Variants in NEK8 observed in about 807,000 individuals in gnomAD.
NEK8 encodes NIMA related kinase 8.
In NEK8, 51 loss-of-function variants were observed where a neutral mutation model predicts 77.2. The observed-to-expected ratio is 0.66, with a 90% CI of 0.53 to 0.83. The LOEUF (loss-of-function observed/expected upper bound fraction) is 0.83. Among genes scored for constraint, NEK8 ranks in the 40% least tolerant of loss-of-function variants. The pLI is 0.00. For synonymous variants in NEK8, 365 were observed against 363.2 expected (o/e 1.00, Z -0.06); for missense variants, 787 against 909.2 (o/e 0.87, Z 1.73).
At chr17:28,729,859 A>G (rs1229058062) in intron 1 of NEK8, among the ~76,000 whole-genome samples, 1 of 152,090 alleles carries the variant, frequency 6.6e-6, no homozygotes. Flanking sequence ...AGTGAGATTT[A>G]AGGCCAAGAC....
intron 4 of NEK8, among the ~76,000 whole-genome samples, chr17:28,736,153 GT>G (rs2034363816): frequency 6.6e-6 from 1 of 152,064 alleles, no homozygotes; most frequent in South Asian, 2.1e-4. Context: ...TATGTGCCAC[GT>G]TTTCTTAATC....
At chr17:28,738,299 TTC>T in intron 8 of NEK8, 54 bp downstream of exon 8, 2 of 1,600,038 alleles carry the variant, frequency 1.2e-6, no homozygotes, top group Non-Finnish European at 8.6e-7. Context: ...ACAGAGCACC[TTC>T]TCTCTTCTCT....
At chr17:28,733,787 G>A (rs911584703) in intron 1 of NEK8, among the ~76,000 whole-genome samples, 196 bp from the exon 2 acceptor site, 27 of 152,224 alleles carry the variant, frequency 1.8e-4, no homozygotes, top group African/African-American at 6.5e-4. Flanking sequence ...CACAGTGCCT[G>A]TGGTGAAACT....
intron 10 of NEK8, among the ~76,000 whole-genome samples, chr17:28,739,779 T>C (rs1197451007): frequency 1.3e-5 from 2 of 152,050 alleles, no homozygotes; most frequent in Non-Finnish European, 2.9e-5. Flanking sequence ...AGGTCCTCTT[T>C]GGGTCAGGCA....
rs56286645 is a variant in NEK8 at position 28,737,905 on chromosome 17, C to T, written c.976C>T (p.Arg326Trp). The T allele has an allele frequency of 5.4e-5, 87 of 1,613,626 alleles. No individual in the cohort carries two copies. Among genetic ancestry groups the T allele is most frequent in the Non-Finnish European group, 6.7e-5 (79 of 1,179,950 alleles). Residue 326 changes from arginine (R) to tryptophan (W), a missense_variant, in exon 7 of 15, where the codon CGG becomes TGG. Arg to Trp is a moderately radical substitution (Grantham distance 101). Coordinates refer to ENST00000268766, the MANE Select transcript of NEK8 (RefSeq NM_178170.3). This position sits in a 1 kb window ranked among gnomAD's most constrained non-coding sequence, Gnocchi z 4.8. ...AWGGGLGTPL[R>W]LPMLNTEVVQ... ...GGGTGGTGGGCTGGGCACCCCCCTGCGGCTGCCAATGCTCAACACAGAGGT... is the reference window on the plus strand; with the variant it reads ...GGGTGGTGGGCTGGGCACCCCCCTGTGGCTGCCAATGCTCAACACAGAGGT...
chr17:28,741,858 A>G lies in NEK8; in HGVS notation c.2051-101A>G, dbSNP rs1201844358. On this transcript the variant is annotated intron_variant, in intron 14 of 14. Coordinates refer to ENST00000268766, the MANE Select transcript of NEK8 (RefSeq NM_178170.3). This position sits in a 1 kb window ranked among gnomAD's most constrained non-coding sequence, Gnocchi z 4.5. Reference sequence around the variant, plus strand: ...GCTGAAACTCTCTTTCTGGCCTAACAGGGTCCAGAATCCAGGGCCCAGTGG... The same window carrying G: ...GCTGAAACTCTCTTTCTGGCCTAACGGGGTCCAGAATCCAGGGCCCAGTGG... The G allele has an allele frequency of 1.6e-6, 2 of 1,258,766 alleles. No individual in the cohort carries two copies. The highest frequency in any genetic ancestry group is 1.7e-5 in the Admixed American group (1 of 59,160). 78.0% of individuals were successfully genotyped at this position (1,258,766 alleles called of 1,614,324 possible). A position where few individuals can be genotyped will look rare whatever the true frequency, so the allele number is the denominator to read the frequency against.
chr17:28,734,708 C>T (rs2034345123), intron 2 of NEK8, 64 bp from the exon 3 acceptor site: 3 of 1,149,164 alleles, frequency 2.6e-6, no homozygotes, highest in East Asian at 2.3e-5. Flanking sequence ...ACAACAACAA[C>T]AATGGAGAGG....
chr17:28,740,665 A>G lies in NEK8; in HGVS notation c.1568+52A>G. The G allele has an allele frequency of 6.2e-7, 1 of 1,607,120 alleles. No individual in the cohort carries two copies. Among genetic ancestry groups the G allele is most frequent in the Non-Finnish European group, 8.5e-7 (1 of 1,173,944 alleles). Reference sequence around the variant, plus strand: ...CTGCCCCTGGCTCTCCTTGGCTGCAAGTGCTCCGTCCATCATTGCCTACCT... The same window carrying G: ...CTGCCCCTGGCTCTCCTTGGCTGCAGGTGCTCCGTCCATCATTGCCTACCT... On this transcript the variant is annotated intron_variant, in intron 11 of 14. Transcript: ENST00000268766. The surrounding 1 kb of genome is among the most constrained non-coding windows in gnomAD (Gnocchi z 4.7).
intron 3 of NEK8, 42 bp from the exon 4 acceptor site, chr17:28,735,198 T>G (rs770920490): frequency 8.7e-6 from 14 of 1,612,848 alleles, no homozygotes; most frequent in Non-Finnish European, 1.2e-5. Flanking sequence ...GCCCCTGGTC[T>G]TCCCTCCCTG....
chr17:28,740,396 G>C lies in NEK8; in HGVS notation c.1418-67G>C. The stretch of plus-strand genomic sequence containing the variant: ...TCATGCTGTTCCCTCCCCTCAGTGG[G>C]CCCTCCTCATTCGGGCATCACCCCC... On this transcript the variant is annotated intron_variant, in intron 10 of 14. Transcript: ENST00000268766. The surrounding 1 kb of genome is among the most constrained non-coding windows in gnomAD (Gnocchi z 4.7). The C allele has an allele frequency of 7.1e-7, 1 of 1,403,374 alleles. No homozygotes were observed. Among genetic ancestry groups the C allele is most frequent in the Non-Finnish European group, 1.0e-6 (1 of 988,198 alleles). The allele number at this position is 1,403,374 out of a possible 1,614,324, so 86.9% of individuals were successfully genotyped here. A position where few individuals can be genotyped will look rare whatever the true frequency, so the allele number is the denominator to read the frequency against.
In NEK8 at chr17:28,736,897, GT is replaced by G. The variant is rs2034370381; in HGVS notation, c.619-405del. Reference sequence around the variant, plus strand: ...TAGGTATTCTTCTAGGGGTTTGATGGTTTTAGGTCTAACATGTAAGTCTTTA... The same window carrying G: ...TAGGTATTCTTCTAGGGGTTTGATGGTTTAGGTCTAACATGTAAGTCTTTA... On this transcript the variant is annotated intron_variant, in intron 4 of 14. Transcript: ENST00000268766. 2.6e-5 allele frequency among the ~76,000 whole-genome samples: 4 copies of G among 152,326 alleles called. No individual in the cohort carries two copies. In the South Asian group the frequency reaches 8.3e-4, roughly 32 times the overall value.
At chr17:28,739,507 T>C (rs533694332) in intron 10 of NEK8, among the ~76,000 whole-genome samples, 7 of 152,336 alleles carry the variant, frequency 4.6e-5, no homozygotes, top group Middle Eastern at 3.4e-3. Flanking sequence ...TAGAGTGCAG[T>C]GGCGTGATCT....
chr17:28,737,298 C>T lies in NEK8; in HGVS notation c.619-8C>T. 1.2e-6 allele frequency: 2 copies of T among 1,606,276 alleles called. No individual in the cohort carries two copies. Among genetic ancestry groups the T allele is most frequent in the Non-Finnish European group, 1.7e-6 (2 of 1,176,664 alleles). On this transcript the variant is annotated splice_region_variant and splice_polypyrimidine_tract_variant and intron_variant, in intron 4 of 14. Transcript: ENST00000268766. This position sits in a 1 kb window ranked among gnomAD's most constrained non-coding sequence, Gnocchi z 4.8. Reference sequence around the variant, plus strand: ...CTTCCCCAAATTCTCAACCTGGTGCCTTCACAGAACTTGCCAGCACTGGTG... The same window carrying T: ...CTTCCCCAAATTCTCAACCTGGTGCTTTCACAGAACTTGCCAGCACTGGTG...
At chr17:28,738,298 C>A in intron 8 of NEK8, 53 bp downstream of exon 8, 1 of 1,597,168 alleles carries the variant, frequency 6.3e-7, no homozygotes, top group East Asian at 2.2e-5. Context: ...CACAGAGCAC[C>A]TTCTCTCTTC....
Position 28,741,860 on chromosome 17 carries a change from G to T in NEK8, c.2051-99G>T. ...TGAAACTCTCTTTCTGGCCTAACAG[G>T]GTCCAGAATCCAGGGCCCAGTGGGA... On this transcript the variant is annotated intron_variant, in intron 14 of 14. Coordinates refer to ENST00000268766, the MANE Select transcript of NEK8 (RefSeq NM_178170.3). This position sits in a 1 kb window ranked among gnomAD's most constrained non-coding sequence, Gnocchi z 4.5. 3 of 1,282,040 alleles carry T rather than the reference G, an allele frequency of 2.3e-6. No individual in the cohort carries two copies. The highest frequency in any genetic ancestry group is 2.4e-5 in the South Asian group (2 of 84,390). The allele number at this position is 1,282,040 out of a possible 1,614,324, so 79.4% of individuals were successfully genotyped here.
At position 28,741,543 on chromosome 17, in the gene NEK8, C is replaced by T. The variant is rs754173955; in HGVS notation, c.2022C>T (p.Cys674=). ...ACACGGTGACTTCCGTGTCCTGTTG[C>T]CATGGAAACACCCTCCTGGCTGTTC... ...HPYTVTSVSC[C]HGNTLLAVRS... The change falls in exon 14 of 15, where the codon TGC becomes TGT. Residue 674 remains cysteine, a synonymous_variant. Coordinates refer to ENST00000268766, the MANE Select transcript of NEK8 (RefSeq NM_178170.3). This position sits in a 1 kb window ranked among gnomAD's most constrained non-coding sequence, Gnocchi z 4.5. 6.2e-7 allele frequency: 1 copy of T among 1,614,000 alleles called. No homozygotes were observed. Among genetic ancestry groups the T allele is most frequent in the African/African-American group, 1.3e-5 (1 of 74,900 alleles).
At chr17:28,735,470 A>G (rs1224770553) in intron 4 of NEK8, 99 bp downstream of exon 4, 3 of 1,350,652 alleles carry the variant, frequency 2.2e-6, no homozygotes, top group African/African-American at 1.4e-5. Context: ...TAGCTGAGTC[A>G]TGTCTCTCCC....
At chr17:28,730,512 G>A (rs2034296557) in intron 1 of NEK8, among the ~76,000 whole-genome samples, 1 of 152,062 alleles carries the variant, frequency 6.6e-6, no homozygotes, top group Non-Finnish European at 1.5e-5. Context: ...GACCTCAGGC[G>A]ATCCACCTGC....
At position 28,738,217 on chromosome 17, in the gene NEK8, T is replaced by G; in HGVS notation, c.1194T>G (p.Cys398Trp). The G allele has an allele frequency of 6.2e-7, 1 of 1,614,174 alleles. No individual in the cohort carries two copies. The highest frequency in any genetic ancestry group is 8.5e-7 in the Non-Finnish European group (1 of 1,180,014). ...QSGVTIKHVA[C>W]GDFFTACLTD... The stretch of plus-strand genomic sequence containing the variant: ...GTGTGACCATCAAGCACGTGGCCTG[T>G]GGGGACTTCTTCACTGCCTGCCTGA... Residue 398 changes from cysteine (C) to tryptophan (W), a missense_variant, in exon 8 of 15, where the codon TGT (cysteine) becomes TGG (tryptophan). Physicochemically the swap from Cys to Trp is radical, Grantham distance 215. This residue lies in a region of NEK8 where 516 missense variants were observed against 544.0 expected (regional missense o/e 0.95). Coordinates refer to ENST00000268766, the MANE Select transcript of NEK8 (RefSeq NM_178170.3).
Sources: gnomAD v4.1 joint callset for allele counts (sites outside exome capture counted in the v4.1 genomes callset) on GRCh38, gnomAD v4.1.1 for gene constraint, gnomAD v4.1.1 regional missense constraint, Gnocchi (gnomAD v3.1) non-coding constraint, MANE v1.5 for transcripts, NCBI Gene and HGNC (gene_info 2026-07-23, HGNC 2026-07-21) for gene names.